The following CTNNA3 variants were observed in gnomAD, a reference collection of about 807,000 sequenced individuals.
CTNNA3 encodes catenin alpha 3.
CTNNA3 carries 76 observed loss-of-function variants against 95.7 expected under a neutral mutation model. That is an observed-to-expected ratio of 0.79 (90% CI 0.66 to 0.96). The LOEUF (loss-of-function observed/expected upper bound fraction) is 0.96, where lower values mean the gene tolerates loss of function less well. Among genes scored for constraint, CTNNA3 ranks in the 40% least tolerant of loss-of-function variants. The pLI, the probability that CTNNA3 is intolerant of heterozygous loss-of-function variation, is 0.00. For synonymous variants in CTNNA3, 431 were observed against 374.4 expected (o/e 1.15, Z -1.74); for missense variants, 1,191 against 1,089.8 (o/e 1.09, Z -1.31).
chr10:66,356,040 T>C (rs905502963), intron 12 of CTNNA3, among the ~76,000 whole-genome samples: 15 of 150,150 alleles, frequency 1.0e-4, no homozygotes, highest in Admixed American at 9.9e-4. Context: ...CTTTTGCAAA[T>C]ATCACTCTTA....
intron 5 of CTNNA3, among the ~76,000 whole-genome samples, chr10:67,310,680 G>C (rs2448546): frequency 0.3 from 45,929 of 152,030 alleles, 11,384 homozygotes; most frequent in African/African-American, 0.68. Flanking sequence ...TTCACATGGT[G>C]ACAGGAGAGA....
chr10:66,765,551 G>A (rs1005574363), intron 9 of CTNNA3, among the ~76,000 whole-genome samples: 3 of 152,100 alleles, frequency 2.0e-5, no homozygotes, highest in Non-Finnish European at 4.4e-5. Context: ...GTGGCCTTGT[G>A]AATACTTTCA....
chr10:67,040,212 G>A (rs1854306890), intron 7 of CTNNA3, among the ~76,000 whole-genome samples: 1 of 152,114 alleles, frequency 6.6e-6, no homozygotes, highest in Admixed American at 6.6e-5. Context: ...AGACACAGGT[G>A]TTCTCTGTGA....
intron 8 of CTNNA3, among the ~76,000 whole-genome samples, chr10:66,771,264 T>G (rs1039323353): frequency 2.6e-5 from 4 of 152,214 alleles, no homozygotes; most frequent in Non-Finnish European, 4.4e-5. Flanking sequence ...AATACAAATT[T>G]TAGCCTGCCT....
chr10:66,840,370 TCTCACACACA>T (rs1368542273), intron 7 of CTNNA3, among the ~76,000 whole-genome samples: 137 of 74,788 alleles, frequency 1.8e-3, no homozygotes, highest in African/African-American at 3.0e-3. Flanking sequence ...TCTCTCTCTC[TCTCACACACA>T]CACACACACA....
intron 5 of CTNNA3, among the ~76,000 whole-genome samples, chr10:67,342,932 T>A (rs1467131259): frequency 6.6e-6 from 1 of 152,162 alleles, no homozygotes; most frequent in Non-Finnish European, 1.5e-5. Context: ...TTGGCTGTTC[T>A]GGCTCTTTCG....
intron 17 of CTNNA3, among the ~76,000 whole-genome samples, chr10:65,941,277 C>T (rs1396823972): frequency 6.6e-6 from 1 of 152,162 alleles, no homozygotes; most frequent in East Asian, 1.9e-4. Context: ...GCCAGGCAGT[C>T]TGGGTCCATG....
chr10:66,226,231 T>C (rs2089280019), intron 13 of CTNNA3, among the ~76,000 whole-genome samples: 1 of 152,130 alleles, frequency 6.6e-6, no homozygotes, highest in Admixed American at 6.6e-5. Context: ...TTTCTGTATA[T>C]AGTGAGAGAT....
At chr10:67,083,213 C>T (rs886363928) in intron 7 of CTNNA3, among the ~76,000 whole-genome samples, 1 of 152,112 alleles carries the variant, frequency 6.6e-6, no homozygotes. Context: ...TTGCTAATGT[C>T]CTCAAGTAAA....
chr10:66,643,249 A>T (rs1162926746), intron 9 of CTNNA3, among the ~76,000 whole-genome samples: 2 of 152,198 alleles, frequency 1.3e-5, no homozygotes, highest in African/African-American at 2.4e-5. Context: ...ATTTCCAAGT[A>T]GAAAATATTT....
chr10:66,099,324 G>A (rs560448197), intron 14 of CTNNA3, among the ~76,000 whole-genome samples: 10 of 152,136 alleles, frequency 6.6e-5, no homozygotes, highest in Non-Finnish European at 8.8e-5. Flanking sequence ...TGTGCCAAAA[G>A]TTACACTCAG....
At chr10:66,822,535 C>T (rs529367071) in intron 7 of CTNNA3, among the ~76,000 whole-genome samples, 2 of 152,322 alleles carry the variant, frequency 1.3e-5, no homozygotes, top group Admixed American at 1.3e-4. Flanking sequence ...TATCAGCTTT[C>T]TAAAACTCTG....
intron 7 of CTNNA3, chr10:66,928,287 C>T (rs1306866082): frequency 1.9e-6 from 3 of 1,614,158 alleles, no homozygotes; most frequent in Non-Finnish European, 2.5e-6. Context: ...AGCGCTCCCT[C>T]ATGCGAAGGC....
At position 66,101,841 on chromosome 10, in the gene CTNNA3, T is replaced by C. The variant is rs550086510; in HGVS notation, c.1977+1316A>G. ...ATTTTTCAGTGTATTTATCTTATAT[T>C]ACATTCTTAGGGAATAGAAATCCAA... On this transcript the variant is annotated intron_variant, in intron 14 of 17. Transcript: ENST00000433211. Among the ~76,000 whole-genome samples, 9 of 152,338 alleles carry C rather than the reference T, an allele frequency of 5.9e-5. No individual in the cohort carries two copies. In the South Asian group the frequency reaches 1.9e-3, roughly 32 times the overall value.
chr10:67,035,663 C>T (rs1013089474), intron 7 of CTNNA3, among the ~76,000 whole-genome samples: 2 of 152,106 alleles, frequency 1.3e-5, no homozygotes, highest in Non-Finnish European at 2.9e-5. Flanking sequence ...GTTCACCTCC[C>T]TCAGTACTCA....
intron 9 of CTNNA3, among the ~76,000 whole-genome samples, chr10:66,763,794 G>A (rs1839721795): frequency 6.6e-6 from 1 of 152,184 alleles, no homozygotes; most frequent in South Asian, 2.1e-4. Flanking sequence ...AAGAAGCCAT[G>A]TATTGATGCA....
intron 17 of CTNNA3, among the ~76,000 whole-genome samples, chr10:65,945,655 T>C (rs1468431440): frequency 2.6e-5 from 4 of 152,316 alleles, no homozygotes; most frequent in South Asian, 2.1e-4. Flanking sequence ...AAAAGGGAGA[T>C]GCAGGATGGA....
chr10:66,565,212 C>T (rs952059717), intron 10 of CTNNA3, among the ~76,000 whole-genome samples: 1 of 152,092 alleles, frequency 6.6e-6, no homozygotes, highest in Admixed American at 6.6e-5. Flanking sequence ...ACAATCACTT[C>T]ACCAATTTGT....
chr10:67,238,053 G>A (rs1279153721), intron 5 of CTNNA3, among the ~76,000 whole-genome samples: 1 of 152,170 alleles, frequency 6.6e-6, no homozygotes, highest in Non-Finnish European at 1.5e-5. Context: ...TTCAGCAATC[G>A]TGGAAGTGGT....
Sources: allele counts gnomAD v4.1 joint callset (sites outside exome capture counted in the v4.1 genomes callset), GRCh38; gene constraint gnomAD v4.1.1; transcripts MANE v1.5; gene names NCBI Gene and HGNC (gene_info 2026-07-23, HGNC 2026-07-21).